NRXN3: variants seen among roughly 807,000 people sequenced by gnomAD.
The protein encoded by NRXN3 is neurexin 3.
A neutral mutation model predicts 137.6 loss-of-function variants in NRXN3; 32 were observed. The observed-to-expected ratio is 0.23, with a 90% CI of 0.18 to 0.31. The LOEUF (loss-of-function observed/expected upper bound fraction) is 0.31, where lower values mean the gene tolerates loss of function less well. Among genes scored for constraint, NRXN3 ranks in the 10% least tolerant of loss-of-function variants. NRXN3 has a pLI of 1.00. For synonymous variants in NRXN3, 798 were observed against 784.5 expected (o/e 1.02, Z -0.29); for missense variants, 1,574 against 2,062.5 (o/e 0.76, Z 4.59).
At chr14:79,422,899 C>T (rs1429064382) in intron 15 of NRXN3, among the ~76,000 whole-genome samples, 1 of 151,948 alleles carries the variant, frequency 6.6e-6, no homozygotes, top group African/African-American at 2.4e-5. Context: ...GGGGTTTCAC[C>T]ATATTGGCCA....
chr14:78,442,251 A>AG (rs1389098284), intron 4 of NRXN3, among the ~76,000 whole-genome samples: 1 of 149,266 alleles, frequency 6.7e-6, no homozygotes, highest in Non-Finnish European at 1.5e-5. Context: ...TGGGCAACAG[A>AG]GGGAGACCCT....
At chr14:78,900,625 A>G (rs1020597979) in intron 10 of NRXN3, among the ~76,000 whole-genome samples, 5 of 151,920 alleles carry the variant, frequency 3.3e-5, no homozygotes, top group African/African-American at 1.2e-4. Flanking sequence ...AATCTGTAAA[A>G]AATAAAATAG....
chr14:78,429,688 C>A (rs2093800810), intron 4 of NRXN3, among the ~76,000 whole-genome samples: 1 of 152,144 alleles, frequency 6.6e-6, no homozygotes, highest in African/African-American at 2.4e-5. Flanking sequence ...CCTGACCAAG[C>A]CCTGCTTTAA....
intron 15 of NRXN3, among the ~76,000 whole-genome samples, chr14:79,040,993 T>C (rs1231184255): frequency 1.3e-5 from 2 of 152,142 alleles, no homozygotes; most frequent in Non-Finnish European, 2.9e-5. Context: ...CTGCAGGCTG[T>C]TCTTTCCTTT....
At chr14:79,368,873 T>G (rs2093991081) in intron 15 of NRXN3, among the ~76,000 whole-genome samples, 1 of 152,232 alleles carries the variant, frequency 6.6e-6, no homozygotes, top group African/African-American at 2.4e-5. Flanking sequence ...AATTTTTTTG[T>G]GGATTCCATT....
At chr14:79,617,590 G>T (rs2098171078) in intron 16 of NRXN3, among the ~76,000 whole-genome samples, 1 of 152,142 alleles carries the variant, frequency 6.6e-6, no homozygotes, top group African/African-American at 2.4e-5. Flanking sequence ...CAGAAACAGA[G>T]ATCCACATTC....
chr14:79,565,348 C>CACACATATTGTGT (rs1382372387), intron 16 of NRXN3, among the ~76,000 whole-genome samples: 16,859 of 141,932 alleles, frequency 0.12, 1,475 homozygotes, highest in African/African-American at 0.25. Context: ...CATATGTGTG[C>CACACATATTGTGT]GTATATGTAT....
At chr14:79,171,109 G>A (rs1415972274) in intron 15 of NRXN3, among the ~76,000 whole-genome samples, 1 of 151,962 alleles carries the variant, frequency 6.6e-6, no homozygotes, top group African/African-American at 2.4e-5. Flanking sequence ...CTCTTCCCTT[G>A]AAATTACACT....
chr14:79,164,511 T>C (rs866712029), intron 15 of NRXN3, among the ~76,000 whole-genome samples: 2 of 152,024 alleles, frequency 1.3e-5, no homozygotes, highest in African/African-American at 2.4e-5. Context: ...TGCAGAATTA[T>C]CATAATTTCC....
At chr14:78,325,516 T>C (rs2079958536) in intron 4 of NRXN3, among the ~76,000 whole-genome samples, 1 of 152,186 alleles carries the variant, frequency 6.6e-6, no homozygotes, top group African/African-American at 2.4e-5. Context: ...GCCTCATATA[T>C]GGTAAGTGCT....
intron 4 of NRXN3, among the ~76,000 whole-genome samples, chr14:78,541,593 C>T (rs1202860406): frequency 1.3e-5 from 2 of 152,044 alleles, no homozygotes; most frequent in African/African-American, 4.8e-5. Flanking sequence ...TTGTTATTAC[C>T]GACCTTCTGA....
chr14:78,780,035 A>C (rs1462330983), intron 8 of NRXN3, among the ~76,000 whole-genome samples: 1 of 152,144 alleles, frequency 6.6e-6, no homozygotes, highest in African/African-American at 2.4e-5. Context: ...CCAAGAGAAA[A>C]GACTTGCCCA....
intron 15 of NRXN3, among the ~76,000 whole-genome samples, chr14:79,052,521 A>G (rs2099643441): frequency 6.6e-6 from 1 of 152,166 alleles, no homozygotes; most frequent in Non-Finnish European, 1.5e-5. Context: ...CCTTGTCCTG[A>G]TGGATTGAGA....
In NRXN3 at chr14:78,717,090, G is replaced by A. The variant is rs1368744109; in HGVS notation, c.2044+1951G>A. Reference sequence around the variant, plus strand: ...GCCAAAGTGTTGCAGATCTTCTGTTGTCTATGAAGACAGTATAAAGGTCAT... The same window carrying A: ...GCCAAAGTGTTGCAGATCTTCTGTTATCTATGAAGACAGTATAAAGGTCAT... On this transcript the variant is annotated intron_variant, in intron 8 of 20. Transcript: ENST00000335750. Among the ~76,000 whole-genome samples the A allele has an allele frequency of 2.6e-4, 39 of 152,164 alleles. 1 individual carries two copies. Among genetic ancestry groups the A allele is most frequent in the Admixed American group, 2.4e-3 (37 of 15,286 alleles).
In NRXN3 at chr14:78,522,778, C is replaced by G. The variant is rs183758357; in HGVS notation, c.758-122342C>G. Among the ~76,000 whole-genome samples, 137 of 152,282 alleles carry G rather than the reference C, an allele frequency of 9.0e-4. 4 individuals carry two copies. The highest frequency in any genetic ancestry group is 7.6e-3 in the Admixed American group (116 of 15,300). ...TGCTAGAGTCATCAGGGAAGATACT[C>G]TCTTTCCACTGGGGTTGTTAAACAA... On this transcript the variant is annotated intron_variant, in intron 4 of 20. Coordinates refer to ENST00000335750, the MANE Select transcript of NRXN3 (RefSeq NM_001330195.2).
chr14:78,824,619 T>C lies in NRXN3; in HGVS notation c.2275+14275T>C, dbSNP rs539024582. ...CTCAGCAGATCAGATGAAAATACCA[T>C]AGATTATCATAATGAGGGCACTTGC... On this transcript the variant is annotated intron_variant, in intron 10 of 20. Coordinates refer to ENST00000335750, the MANE Select transcript of NRXN3 (RefSeq NM_001330195.2). Among the ~76,000 whole-genome samples, 100 of 152,276 alleles carry C rather than the reference T, an allele frequency of 6.6e-4. 1 individual carries two copies. The highest frequency in any genetic ancestry group is 1.3e-3 in the Non-Finnish European group (87 of 68,028).
At position 79,286,535 on chromosome 14, in the gene NRXN3, A is replaced by AATATATAT. The variant is rs111827205; in HGVS notation, c.3263-180668_3263-180661dup. On this transcript the variant is annotated intron_variant, in intron 15 of 20. Coordinates refer to ENST00000335750, the MANE Select transcript of NRXN3 (RefSeq NM_001330195.2). Reference sequence around the variant, plus strand: ...AGCTTGGTGAGATGATTGAGAGAATAATATATATATATATATATATATATA... The same window carrying AATATATAT: ...AGCTTGGTGAGATGATTGAGAGAATAATATATATATATATATATATATATATATATATA... 7.3e-3 allele frequency among the ~76,000 whole-genome samples: 1,026 copies of AATATATAT among 139,640 alleles called. 6 individuals carry two copies. Among genetic ancestry groups the AATATATAT allele is most frequent in the Admixed American group, 0.01 (141 of 13,794 alleles). 91.6% of individuals were successfully genotyped at this position (139,640 alleles called of 152,430 possible).
At chr14:79,848,274 C>T (rs967362522) in intron 20 of NRXN3, among the ~76,000 whole-genome samples, 1 of 152,196 alleles carries the variant, frequency 6.6e-6, no homozygotes, top group Admixed American at 6.5e-5. Flanking sequence ...CTCCCCTGTT[C>T]TTAGTCTTGC....
At chr14:78,399,622 A>G (rs11159356) in intron 4 of NRXN3, among the ~76,000 whole-genome samples, 62,022 of 152,080 alleles carry the variant, frequency 0.41, 13,692 homozygotes, top group Admixed American at 0.51. Flanking sequence ...ACTCTGCTCT[A>G]CCCTTCCATA....
Sources: gnomAD v4.1 joint callset for allele counts (sites outside exome capture counted in the v4.1 genomes callset) on GRCh38, gnomAD v4.1.1 for gene constraint, MANE v1.5 for transcripts, NCBI Gene and HGNC (gene_info 2026-07-23, HGNC 2026-07-21) for gene names.